Variants in GRID2 observed in about 807,000 individuals in gnomAD.
The protein encoded by GRID2 is glutamate receptor ionotropic, delta-2.
In GRID2, 33 loss-of-function variants were observed where a neutral mutation model predicts 114.8. The ratio of observed to expected loss-of-function variants is 0.29; its 90% CI spans 0.22 to 0.38. The LOEUF is 0.38. GRID2 is among the 10% of genes least tolerant of loss of function. GRID2 has a pLI of 1.00. For missense variants in GRID2, 1,184 were observed against 1,257.7 expected (o/e 0.94, Z 0.89); for synonymous variants, 505 against 449.9 (o/e 1.12, Z -1.55).
At chr4:93,326,396 C>T (rs777228347) in intron 8 of GRID2, among the ~76,000 whole-genome samples, 4 of 152,104 alleles carry the variant, frequency 2.6e-5, no homozygotes, top group South Asian at 2.1e-4. Flanking sequence ...CTTGTGTGAA[C>T]GTTGCATCTG....
intron 8 of GRID2, among the ~76,000 whole-genome samples, chr4:93,275,215 A>T (rs1250894673): frequency 6.6e-6 from 1 of 151,928 alleles, no homozygotes; most frequent in Non-Finnish European, 1.5e-5. Flanking sequence ...TATTTTTAAG[A>T]TTTACCACTG....
rs1278057465 is a variant in GRID2 at position 92,614,937 on chromosome 4, T to C, written c.244+24651T>C. ...CTGATGAATTTAGTCTTTTATACTT[T>C]GCTATGTTTTTTTTTTTTCTTTTAG... On this transcript the variant is annotated intron_variant, in intron 2 of 15. Coordinates refer to ENST00000282020, the MANE Select transcript of GRID2 (RefSeq NM_001510.4). Among the ~76,000 whole-genome samples, 5 of 150,346 alleles carry C rather than the reference T, an allele frequency of 3.3e-5. No homozygotes were observed. The East Asian group carries it at 1.0e-3, about 30-fold the overall frequency.
intron 4 of GRID2, among the ~76,000 whole-genome samples, chr4:93,170,992 A>G (rs1164168220): frequency 6.6e-6 from 1 of 152,098 alleles, no homozygotes; most frequent in Non-Finnish European, 1.5e-5. Context: ...TGCCTGGATT[A>G]TTCATCTCTT....
At chr4:92,724,659 T>G (rs1487130944) in intron 2 of GRID2, among the ~76,000 whole-genome samples, 1 of 152,144 alleles carries the variant, frequency 6.6e-6, no homozygotes, top group East Asian at 1.9e-4. Context: ...CACTATTAAC[T>G]GTAACACCTT....
intron 2 of GRID2, among the ~76,000 whole-genome samples, chr4:92,957,260 A>G (rs996613127): frequency 4.6e-5 from 7 of 151,792 alleles, no homozygotes; most frequent in East Asian, 3.9e-4. Flanking sequence ...TTTCTATGTT[A>G]TGTTGTAGGA....
At chr4:92,688,944 T>C (rs904112706) in intron 2 of GRID2, among the ~76,000 whole-genome samples, 5 of 152,190 alleles carry the variant, frequency 3.3e-5, no homozygotes, top group African/African-American at 1.2e-4. Flanking sequence ...AATTACTCTT[T>C]TGATTCATGG....
chr4:93,762,864 GAAT>G (rs1210751954), intron 14 of GRID2, among the ~76,000 whole-genome samples: 2 of 152,094 alleles, frequency 1.3e-5, no homozygotes, highest in African/African-American at 4.8e-5. Context: ...CCTCCACAGT[GAAT>G]AACAAGGTGA....
intron 1 of GRID2, among the ~76,000 whole-genome samples, chr4:92,384,956 A>T (rs1729869374): frequency 6.6e-6 from 1 of 151,128 alleles, no homozygotes; most frequent in African/African-American, 2.4e-5. Flanking sequence ...CATCACCAAT[A>T]TACACAATGG....
Position 93,774,151 on chromosome 4 carries a change from G to A in GRID2, c.*1653G>A, listed in dbSNP as rs1734287016. On this transcript the variant is annotated 3_prime_UTR_variant, in exon 16 of 16. Coordinates refer to ENST00000282020, the MANE Select transcript of GRID2 (RefSeq NM_001510.4). Reference sequence around the variant, plus strand: ...TATTTTGATGCTAATTCTGTTCTGGGGAGCATCTTGTATTGTCACTGTTTT... The same window carrying A: ...TATTTTGATGCTAATTCTGTTCTGGAGAGCATCTTGTATTGTCACTGTTTT... 1 of 151,978 alleles carries A rather than the reference G, an allele frequency of 6.6e-6. No individual in the cohort carries two copies. The highest frequency in any genetic ancestry group is 2.1e-4 in the South Asian group (1 of 4,822). The allele number at this position is 151,978 out of a possible 1,614,324, so 9.4% of individuals were successfully genotyped here. A position where few individuals can be genotyped will look rare whatever the true frequency, so the allele number is the denominator to read the frequency against.
chr4:92,797,409 T>A (rs1328174451), intron 2 of GRID2, among the ~76,000 whole-genome samples: 1 of 151,996 alleles, frequency 6.6e-6, no homozygotes, highest in East Asian at 1.9e-4. Flanking sequence ...ACTAGCACAT[T>A]ATGCAGTATA....
chr4:92,941,409 G>C (rs908535956), intron 2 of GRID2, among the ~76,000 whole-genome samples: 1 of 152,030 alleles, frequency 6.6e-6, no homozygotes, highest in Non-Finnish European at 1.5e-5. Flanking sequence ...GGGATTGGTG[G>C]TGATATCCCC....
At chr4:93,482,073 A>G (rs191470093) in intron 11 of GRID2, among the ~76,000 whole-genome samples, 1 of 152,200 alleles carries the variant, frequency 6.6e-6, no homozygotes, top group East Asian at 1.9e-4. Flanking sequence ...TTGAATACAA[A>G]TTAGTTCCAT....
chr4:92,501,777 T>C (rs1254106111), intron 1 of GRID2, among the ~76,000 whole-genome samples: 2 of 152,182 alleles, frequency 1.3e-5, no homozygotes, highest in African/African-American at 2.4e-5. Context: ...CAGTAGTGTT[T>C]AAAGTTTCTT....
intron 13 of GRID2, among the ~76,000 whole-genome samples, chr4:93,571,704 TAA>T (rs1169299489): frequency 6.6e-6 from 1 of 152,164 alleles, no homozygotes; most frequent in East Asian, 1.9e-4. Context: ...AATGTATATA[TAA>T]AAGTAATGCT....
intron 2 of GRID2, among the ~76,000 whole-genome samples, chr4:92,791,533 C>T (rs1369003250): frequency 6.6e-6 from 1 of 151,792 alleles, no homozygotes; most frequent in Non-Finnish European, 1.5e-5. Flanking sequence ...TTATACAGTG[C>T]TAACTTCCAT....
chr4:93,399,698 A>T (rs998428040), intron 9 of GRID2, among the ~76,000 whole-genome samples: 1 of 152,054 alleles, frequency 6.6e-6, no homozygotes, highest in African/African-American at 2.4e-5. Context: ...CACTGCCAAT[A>T]CCAAAATCAG....
chr4:93,244,029 A>G (rs961263466), intron 8 of GRID2, among the ~76,000 whole-genome samples: 3 of 152,134 alleles, frequency 2.0e-5, no homozygotes, highest in African/African-American at 7.2e-5. Context: ...CATAAAAAGT[A>G]AAGATTAAAT....
intron 13 of GRID2, among the ~76,000 whole-genome samples, chr4:93,589,840 A>G (rs889220979): frequency 7.9e-5 from 12 of 151,932 alleles, no homozygotes; most frequent in Admixed American, 5.9e-4. Flanking sequence ...TTTTGGCTGC[A>G]TAAATGTCTT....
chr4:93,530,133 A>G (rs1228736198), intron 13 of GRID2, among the ~76,000 whole-genome samples: 1 of 152,094 alleles, frequency 6.6e-6, no homozygotes, highest in Non-Finnish European at 1.5e-5. Context: ...CTTCCAATTT[A>G]GTAATTCATG....
Sources: gnomAD v4.1 joint callset for allele counts (sites outside exome capture counted in the v4.1 genomes callset) on GRCh38, gnomAD v4.1.1 for gene constraint, MANE v1.5 for transcripts, NCBI Gene and HGNC (gene_info 2026-07-23, HGNC 2026-07-21) for gene names.